Variants in NCOR1 observed in about 807,000 individuals in gnomAD.
The protein encoded by NCOR1 is protein phosphatase 1, regulatory subunit 109.
Under a neutral mutation model 288.1 loss-of-function variants are expected in NCOR1, and 63 were observed. That is an observed-to-expected ratio of 0.22 (90% CI 0.18 to 0.27). NCOR1 has a LOEUF of 0.27. Among genes scored for constraint, NCOR1 ranks in the 10% least tolerant of loss-of-function variants. The pLI is 1.00. For synonymous variants in NCOR1, 1,007 were observed against 1,065.9 expected, an observed-to-expected ratio of 0.94 and a Z score of 1.08; for missense variants, 2,397 against 3,019.2, an observed-to-expected ratio of 0.79 and a Z score of 4.83.
chr17:16,057,377 A>G (rs1209095093), intron 40 of NCOR1, 137 bp downstream of exon 40: 4 of 800,954 alleles, frequency 5.0e-6, no homozygotes, highest in Non-Finnish European at 4.0e-6. Flanking sequence ...TGCAGGGGGA[A>G]GAAAGCTCAT....
chr17:16,038,581 C>T (rs1179177822), intron 44 of NCOR1, among the ~76,000 whole-genome samples: 1 of 151,948 alleles, frequency 6.6e-6, no homozygotes, highest in South Asian at 2.1e-4. Context: ...GGGACTACAG[C>T]GTGAGCCACC....
At chr17:16,126,277 A>C in intron 14 of NCOR1, 71 bp from the exon 15 acceptor site, 1 of 1,397,614 alleles carries the variant, frequency 7.2e-7, no homozygotes. Flanking sequence ...GTGATAAATT[A>C]TGTCTATCTA....
At chr17:16,147,627 T>C (rs1482255234) in intron 9 of NCOR1, among the ~76,000 whole-genome samples, 2 of 152,140 alleles carry the variant, frequency 1.3e-5, no homozygotes, top group East Asian at 1.9e-4. Flanking sequence ...GAAAGTGGCA[T>C]TGGAGAACAG....
chr17:16,030,104 T>C lies in NCOR1; in HGVS notation c.*2192A>G, dbSNP rs1971797917. The stretch of plus-strand genomic sequence containing the variant: ...GGATAACATAGTCGATTGACACATA[T>C]TTTGTATATGTATTATATACTGTAT... On this transcript the variant is annotated 3_prime_UTR_variant, in exon 46 of 46. Transcript: ENST00000268712. The C allele has an allele frequency of 5.5e-6, 1 of 181,124 alleles. No homozygotes were observed. Among genetic ancestry groups the C allele is most frequent in the East Asian group, 9.0e-5 (1 of 11,050 alleles). The allele number at this position is 181,124 out of a possible 1,614,324, so 11.2% of individuals were successfully genotyped here. A position where few individuals can be genotyped will look rare whatever the true frequency, so the allele number is the denominator to read the frequency against.
At chr17:16,172,918 G>C in intron 3 of NCOR1, among the ~76,000 whole-genome samples, 1 of 152,244 alleles carries the variant, frequency 6.6e-6, no homozygotes, top group South Asian at 2.1e-4. Flanking sequence ...TTCATATTGA[G>C]GACAGACAAT....
At chr17:16,109,492 T>C (rs574420740) in intron 18 of NCOR1, among the ~76,000 whole-genome samples, 6 of 152,186 alleles carry the variant, frequency 3.9e-5, no homozygotes, top group African/African-American at 1.4e-4. Context: ...AACATATCAC[T>C]GTTACAAATT....
intron 1 of NCOR1, among the ~76,000 whole-genome samples, chr17:16,210,154 C>T (rs1479308584): frequency 3.3e-5 from 5 of 152,038 alleles, no homozygotes; most frequent in East Asian, 1.9e-4. Flanking sequence ...GAGGCTGAGG[C>T]GGGAGGATCA....
chr17:16,144,767 C>T (rs1434635488), intron 10 of NCOR1, among the ~76,000 whole-genome samples: 3 of 151,690 alleles, frequency 2.0e-5, no homozygotes, highest in African/African-American at 7.3e-5. Flanking sequence ...CACGATCTCC[C>T]TCTCCCTCTC....
chr17:16,127,150 T>A (rs554900251), intron 14 of NCOR1, among the ~76,000 whole-genome samples: 5 of 133,372 alleles, frequency 3.7e-5, no homozygotes, highest in African/African-American at 1.7e-4. Flanking sequence ...TGTATGTATA[T>A]ATCTGTATGT....
Position 16,040,497 on chromosome 17 carries a change from A to G in NCOR1, c.6680-3T>C, listed in dbSNP as rs1318829052. 3 of 1,612,886 alleles carry G rather than the reference A, an allele frequency of 1.9e-6. No homozygotes were observed. Among genetic ancestry groups the G allele is most frequent in the African/African-American group, 2.7e-5 (2 of 74,918 alleles). ...CTCAGTTCCTGGCTGAGCAGCTGCT[A>G]TATTTAAGCAAACATTCAAGTTAAT... On this transcript the variant is annotated splice_region_variant and splice_polypyrimidine_tract_variant and intron_variant, in intron 42 of 45. Coordinates refer to ENST00000268712, the MANE Select transcript of NCOR1 (RefSeq NM_006311.4).
rs1333036725 is a variant in NCOR1, at chr17:16,029,264, T to C, written c.*3032A>G. The C allele has an allele frequency of 4.4e-6, 2 of 453,648 alleles. No individual in the cohort carries two copies. Among genetic ancestry groups the C allele is most frequent in the South Asian group, 1.6e-5 (1 of 64,312 alleles). The allele number at this position is 453,648 out of a possible 1,614,324, so 28.1% of individuals were successfully genotyped here. On this transcript the variant is annotated 3_prime_UTR_variant, in exon 46 of 46. Transcript: ENST00000268712. ...AGGAGTTTTCAGGACAGTCTCTTCA[T>C]GTGGGTGTTTTCATTACAGTTCATT...
intron 2 of NCOR1, among the ~76,000 whole-genome samples, chr17:16,188,352 C>A (rs1321882141): frequency 6.6e-6 from 1 of 152,166 alleles, no homozygotes; most frequent in Non-Finnish European, 1.5e-5. Context: ...TGGCTCATGC[C>A]TGTAATCCCA....
At chr17:16,118,164 A>G in intron 17 of NCOR1, 137 bp from the exon 18 acceptor site, 1 of 810,634 alleles carries the variant, frequency 1.2e-6, no homozygotes, top group South Asian at 2.2e-5. Flanking sequence ...TATCATATAT[A>G]CTTTGATACT....
At chr17:16,045,889 G>A (rs2058575180) in intron 42 of NCOR1, among the ~76,000 whole-genome samples, 1 of 151,876 alleles carries the variant, frequency 6.6e-6, no homozygotes, top group Non-Finnish European at 1.5e-5. Flanking sequence ...GTAGCTCACT[G>A]TAGCCTCAAC....
intron 44 of NCOR1, among the ~76,000 whole-genome samples, chr17:16,038,553 C>T (rs1482647495): frequency 1.3e-5 from 2 of 151,840 alleles, no homozygotes; most frequent in African/African-American, 2.4e-5. Flanking sequence ...CTTCCCACCT[C>T]GGCCCCCACA....
chr17:16,087,334 C>T (rs2064403269), intron 22 of NCOR1: 5 of 1,303,456 alleles, frequency 3.8e-6, no homozygotes, highest in South Asian at 1.2e-5. Flanking sequence ...GGCATATAGG[C>T]GACTGATTTT....
intron 22 of NCOR1, 33 bp downstream of exon 22, chr17:16,091,830 A>G (rs748486137): frequency 1.2e-6 from 2 of 1,613,096 alleles, no homozygotes; most frequent in South Asian, 1.1e-5. Flanking sequence ...TCCCTTCATA[A>G]AAGTTCTCTT....
chr17:16,114,160 A>AAAAACAAC, intron 18 of NCOR1, among the ~76,000 whole-genome samples: 1 of 106,930 alleles, frequency 9.4e-6, no homozygotes, highest in South Asian at 3.1e-4. Context: ...AAAAAAAAAA[A>AAAAACAAC]AAAAAAAAAC....
intron 35 of NCOR1, 143 bp downstream of exon 35, chr17:16,063,925 C>G: frequency 9.1e-7 from 1 of 1,103,430 alleles, no homozygotes; most frequent in South Asian, 1.8e-5. Context: ...ACAGCACTTT[C>G]ACCTGTTTTT....
Sources: gnomAD v4.1 joint callset for allele counts (sites outside exome capture counted in the v4.1 genomes callset) on GRCh38, gnomAD v4.1.1 for gene constraint, MANE v1.5 for transcripts, NCBI Gene and HGNC (gene_info 2026-07-23, HGNC 2026-07-21) for gene names.